Variants in FBXL7 observed in about 807,000 individuals in gnomAD.
FBXL7 encodes F-box/LRR-repeat protein 7.
A neutral mutation model predicts 38.3 loss-of-function variants in FBXL7; 12 were observed. The observed-to-expected ratio is 0.31, with a 90% CI of 0.20 to 0.51. The LOEUF is 0.51. Ranked by LOEUF, FBXL7 falls within the 20% of genes least tolerant of loss-of-function variation. The probability of loss-of-function intolerance (pLI) is 0.98; values close to 1 mark genes in which losing one functional copy is unlikely to be tolerated. For synonymous variants in FBXL7, 297 were observed against 300.9 expected (o/e 0.99, Z 0.13); for missense variants, 567 against 676.4 (o/e 0.84, Z 1.79).
chr5:15,865,192 T>C (rs1739651873), intron 2 of FBXL7, among the ~76,000 whole-genome samples: 2 of 152,184 alleles, frequency 1.3e-5, no homozygotes, highest in African/African-American at 4.8e-5. Context: ...TAAGTAAGCA[T>C]CATTTGTCCA....
intron 2 of FBXL7, among the ~76,000 whole-genome samples, chr5:15,664,427 C>T (rs1357053977): frequency 6.7e-6 from 1 of 149,994 alleles, no homozygotes; most frequent in African/African-American, 2.5e-5. Flanking sequence ...TGGAGTTTAC[C>T]GTTACCTTGA....
chr5:15,618,375 A>G (rs899737921), intron 2 of FBXL7, among the ~76,000 whole-genome samples: 2 of 152,198 alleles, frequency 1.3e-5, no homozygotes, highest in African/African-American at 2.4e-5. Flanking sequence ...AAAAGAAAGT[A>G]TTAAGTTCTG....
chr5:15,767,542 G>A (rs561514003), intron 2 of FBXL7, among the ~76,000 whole-genome samples: 304 of 152,296 alleles, frequency 2.0e-3, no homozygotes, highest in Middle Eastern at 0.01. Flanking sequence ...GGCTACTCTA[G>A]AGGTAAGGAA....
At chr5:15,692,567 C>T (rs769675645) in intron 2 of FBXL7, among the ~76,000 whole-genome samples, 1 of 152,170 alleles carries the variant, frequency 6.6e-6, no homozygotes, top group Non-Finnish European at 1.5e-5. Context: ...AGTAAACTTT[C>T]CTATCCCCTT....
rs1202036437 is a variant in FBXL7 at position 15,633,946 on chromosome 5, A to G, written c.127+17874A>G. On this transcript the variant is annotated intron_variant, in intron 2 of 3. Coordinates refer to ENST00000504595, the MANE Select transcript of FBXL7 (RefSeq NM_012304.5). ...CAGGTGCCTGCCACCACACCCAGCTAATTTTTGTATTTTTAGTAGAGATGG... is the reference window on the plus strand; with the variant it reads ...CAGGTGCCTGCCACCACACCCAGCTGATTTTTGTATTTTTAGTAGAGATGG... 2.0e-5 allele frequency among the ~76,000 whole-genome samples: 3 copies of G among 150,868 alleles called. No homozygotes were observed. In the East Asian group the frequency reaches 5.9e-4, roughly 29 times the overall value.
chr5:15,894,678 G>T (rs1261088046), intron 2 of FBXL7, among the ~76,000 whole-genome samples: 2 of 152,134 alleles, frequency 1.3e-5, no homozygotes, highest in African/African-American at 4.8e-5. Flanking sequence ...CACATTTTTA[G>T]TAGGTATGTA....
chr5:15,900,069 T>TC (rs1292416443), intron 2 of FBXL7, among the ~76,000 whole-genome samples: 2 of 152,110 alleles, frequency 1.3e-5, no homozygotes, highest in African/African-American at 4.8e-5. Context: ...TTTTTTTTTT[T>TC]CTTCCAGCAT....
At chr5:15,641,202 C>T (rs1440709687) in intron 2 of FBXL7, among the ~76,000 whole-genome samples, 3 of 152,206 alleles carry the variant, frequency 2.0e-5, no homozygotes, top group African/African-American at 7.2e-5. Context: ...CTTTTAGGGA[C>T]TCCTGGAGTT....
rs1268111469 is a variant in FBXL7, at chr5:15,939,129, C to A, written c.*1943C>A. Reference sequence around the variant, plus strand: ...GTCTGCCCAGGAGGTTTCTTTCAAACATCATGGCCTCCCATCCAATCAACA... The same window carrying A: ...GTCTGCCCAGGAGGTTTCTTTCAAAAATCATGGCCTCCCATCCAATCAACA... On this transcript the variant is annotated 3_prime_UTR_variant, in exon 4 of 4. Coordinates refer to ENST00000504595, the MANE Select transcript of FBXL7 (RefSeq NM_012304.5). The A allele has an allele frequency of 3.3e-5, 13 of 398,750 alleles. No individual in the cohort carries two copies. The highest frequency in any genetic ancestry group is 5.3e-5 in the Non-Finnish European group (12 of 226,008). The allele number at this position is 398,750 out of a possible 1,614,324, so 24.7% of individuals were successfully genotyped here.
Position 15,936,347 on chromosome 5 carries a change from G to A in FBXL7, c.740-103G>A, listed in dbSNP as rs1166555250. On this transcript the variant is annotated intron_variant, in intron 3 of 3. Transcript: ENST00000504595. This position sits in a 1 kb window ranked among gnomAD's most constrained non-coding sequence, Gnocchi z 6.0. Reference sequence around the variant, plus strand: ...GACAGGAAAGGGTAACATCAGCCTCGGACCCAGACTTGGGCGAGGGTCAGG... The same window carrying A: ...GACAGGAAAGGGTAACATCAGCCTCAGACCCAGACTTGGGCGAGGGTCAGG... 10 of 1,407,148 alleles carry A rather than the reference G, an allele frequency of 7.1e-6. No homozygotes were observed. Among genetic ancestry groups the A allele is most frequent in the South Asian group, 1.4e-5 (1 of 71,772 alleles). 87.2% of individuals were successfully genotyped at this position (1,407,148 alleles called of 1,614,324 possible).
chr5:15,831,669 T>C (rs1292725168), intron 2 of FBXL7, among the ~76,000 whole-genome samples: 2 of 152,066 alleles, frequency 1.3e-5, no homozygotes, highest in Non-Finnish European at 2.9e-5. Flanking sequence ...CTGGGAAACA[T>C]TGTTGGAGAA....
chr5:15,550,902 A>G (rs1026564393), intron 1 of FBXL7, among the ~76,000 whole-genome samples: 1 of 152,160 alleles, frequency 6.6e-6, no homozygotes, highest in African/African-American at 2.4e-5. Flanking sequence ...TCCCCTTTGG[A>G]GCAGCTGAAA....
chr5:15,616,390 T>C (rs1740454309), intron 2 of FBXL7, among the ~76,000 whole-genome samples: 1 of 152,210 alleles, frequency 6.6e-6, no homozygotes, highest in Admixed American at 6.5e-5. Context: ...AAAATGATAT[T>C]ATTTTAAAAT....
intron 1 of FBXL7, among the ~76,000 whole-genome samples, chr5:15,511,041 C>T (rs1237858549): frequency 6.6e-6 from 1 of 152,190 alleles, no homozygotes; most frequent in Non-Finnish European, 1.5e-5. Flanking sequence ...ATTTTGGTTG[C>T]AGCCCAAATC....
intron 2 of FBXL7, among the ~76,000 whole-genome samples, chr5:15,894,035 C>T (rs1202292709): frequency 6.6e-6 from 1 of 152,224 alleles, no homozygotes; most frequent in African/African-American, 2.4e-5. Context: ...CGCCTGTAAT[C>T]CCAACACTTT....
At chr5:15,817,856 G>T (rs778324266) in intron 2 of FBXL7, among the ~76,000 whole-genome samples, 6 of 152,076 alleles carry the variant, frequency 3.9e-5, no homozygotes, top group Non-Finnish European at 8.8e-5. Flanking sequence ...GTATGAAAAC[G>T]AACTAATACA....
intron 2 of FBXL7, among the ~76,000 whole-genome samples, chr5:15,809,408 A>G (rs1464520209): frequency 2.0e-5 from 3 of 152,186 alleles, no homozygotes; most frequent in East Asian, 1.9e-4. Context: ...TCCCTAAAAT[A>G]TATTTCTTTC....
intron 2 of FBXL7, among the ~76,000 whole-genome samples, chr5:15,785,190 T>A (rs932236455): frequency 6.6e-6 from 1 of 152,180 alleles, no homozygotes; most frequent in Admixed American, 6.5e-5. Context: ...CATGTATACA[T>A]ACATTGCGTG....
intron 2 of FBXL7, among the ~76,000 whole-genome samples, chr5:15,816,867 T>C (rs769174009): frequency 2.0e-5 from 3 of 152,220 alleles, no homozygotes; most frequent in Non-Finnish European, 4.4e-5. Context: ...AAGAATTTTG[T>C]CAGAAAATAA....
Sources: gnomAD v4.1 joint callset for allele counts (sites outside exome capture counted in the v4.1 genomes callset) on GRCh38, gnomAD v4.1.1 for gene constraint, Gnocchi (gnomAD v3.1) non-coding constraint, MANE v1.5 for transcripts, NCBI Gene and HGNC (gene_info 2026-07-23, HGNC 2026-07-21) for gene names.